LARS1: variants seen among roughly 807,000 people sequenced by gnomAD.
LARS1 encodes the protein leucyl-tRNA synthetase 1.
In LARS1, 100 loss-of-function variants were observed where a neutral mutation model predicts 162.8. The observed-to-expected ratio is 0.61, with a 90% CI of 0.52 to 0.73. The LOEUF (loss-of-function observed/expected upper bound fraction) is 0.73. Ranked by LOEUF, LARS1 falls within the 30% of genes least tolerant of loss-of-function variation. LARS1 has a pLI of 0.00. For missense variants in LARS1, 1,258 were observed against 1,408.9 expected (o/e 0.89, Z 1.71); for synonymous variants, 457 against 462.8 (o/e 0.99, Z 0.16).
intron 8 of LARS1, 88 bp downstream of exon 8, chr5:146,159,319 A>G: frequency 9.7e-7 from 1 of 1,031,524 alleles, no homozygotes; most frequent in Non-Finnish European, 1.5e-6. Context: ...CAGCACTACA[A>G]AGAAGTTATT....
At chr5:146,127,967 T>A (rs1259599568) in intron 27 of LARS1, among the ~76,000 whole-genome samples, 1 of 152,170 alleles carries the variant, frequency 6.6e-6, no homozygotes, top group Non-Finnish European at 1.5e-5. Flanking sequence ...CCGTATTTTG[T>A]CTCTCTTTTT....
intron 5 of LARS1, among the ~76,000 whole-genome samples, chr5:146,166,539 TA>T (rs143833387): frequency 0.061 from 9,314 of 152,002 alleles, 327 homozygotes; most frequent in Non-Finnish European, 0.069. Context: ...CTCCATCTCT[TA>T]AAAAACAAAA....
chr5:146,176,688 G>A (rs1454448157), intron 2 of LARS1, among the ~76,000 whole-genome samples: 1 of 151,972 alleles, frequency 6.6e-6, no homozygotes, highest in East Asian at 1.9e-4. Flanking sequence ...CAATGTTTGG[G>A]GGAGTTATTT....
intron 27 of LARS1, among the ~76,000 whole-genome samples, chr5:146,127,875 G>A (rs979219567): frequency 6.6e-6 from 1 of 152,080 alleles, no homozygotes; most frequent in Non-Finnish European, 1.5e-5. Context: ...GAAAAGTGTT[G>A]AGGCAAAATT....
In LARS1 at chr5:146,168,206, T is replaced by C. The variant is rs73317824; in HGVS notation, c.354A>G (p.Pro118=). ...IELYGCPPDF[P]DEEEEEEETS... ...TTTCTTCCTCTTCCTCTTCTTCATCTGGAAAATCAGGGGGGCAACCATACA... is the reference window on the plus strand; with the variant it reads ...TTTCTTCCTCTTCCTCTTCTTCATCCGGAAAATCAGGGGGGCAACCATACA... Residue 118 remains proline, a synonymous_variant, in exon 5 of 32, where the codon CCA becomes CCG. Coordinates refer to ENST00000394434, the MANE Select transcript of LARS1 (RefSeq NM_020117.11). 5.5e-3 allele frequency: 8,928 copies of C among 1,613,398 alleles called. 412 individuals are homozygous for C. In the African/African-American group the frequency reaches 0.1, roughly 18 times the overall value.
chr5:146,142,706 A>G (rs530119163), intron 20 of LARS1, 166 bp downstream of exon 20: 1 of 568,072 alleles, frequency 1.8e-6, no homozygotes, highest in African/African-American at 1.9e-5. Flanking sequence ...TGGATGTAAG[A>G]GATAGGAGGT....
Position 146,160,394 on chromosome 5 carries a change from G to A in LARS1, c.687C>T (p.Asn229=). Residue 229 remains asparagine, a synonymous_variant, in exon 7 of 32, where the codon AAC becomes AAT. Transcript: ENST00000394434. The part of the protein sequence containing the change: ...RWQFLTLRER[N]KIKFGKRYTI... ...CTTACCGCTTCCCAAATTTAATTTTGTTTCTTTCTCTTAATGTTAAAAATT... is the reference window on the plus strand; with the variant it reads ...CTTACCGCTTCCCAAATTTAATTTTATTTCTTTCTCTTAATGTTAAAAATT... 1 of 1,559,232 alleles carries A rather than the reference G, an allele frequency of 6.4e-7. No individual in the cohort carries two copies. The highest frequency in any genetic ancestry group is 8.7e-7 in the Non-Finnish European group (1 of 1,148,820).
intron 26 of LARS1, 77 bp from the exon 27 acceptor site, chr5:146,128,859 A>C (rs932022865): frequency 7.0e-7 from 1 of 1,420,946 alleles, no homozygotes; most frequent in African/African-American, 1.4e-5. Flanking sequence ...CCCCCAACAT[A>C]CACCACCACG....
At chr5:146,176,400 C>T (rs1387655999) in intron 2 of LARS1, among the ~76,000 whole-genome samples, 2 of 139,042 alleles carry the variant, frequency 1.4e-5, no homozygotes, top group South Asian at 2.3e-4. Flanking sequence ...TGCAGTGAGC[C>T]GAGATGGCGC....
chr5:146,126,157 CAA>C (rs1752031189), intron 28 of LARS1, among the ~76,000 whole-genome samples: 1 of 151,944 alleles, frequency 6.6e-6, no homozygotes. Flanking sequence ...TAATGTAAGC[CAA>C]AAGAGTTTGA....
intron 30 of LARS1, among the ~76,000 whole-genome samples, chr5:146,121,312 A>G (rs1403904839): frequency 6.6e-6 from 1 of 152,122 alleles, no homozygotes; most frequent in Non-Finnish European, 1.5e-5. Flanking sequence ...TCCTCTGCTT[A>G]TCAAGACAAG....
Position 146,160,406 on chromosome 5 carries a change from T to G in LARS1, c.675A>C (p.Leu225Phe). The G allele has an allele frequency of 6.3e-7, 1 of 1,575,442 alleles. No homozygotes were observed. The highest frequency in any genetic ancestry group is 8.6e-7 in the Non-Finnish European group (1 of 1,161,148). ...CAAATTTAATTTTGTTTCTTTCTCT[T>G]AATGTTAAAAATTGCCATCTGACAA... is the stretch of plus-strand genomic sequence containing the variant. ...DSFVRWQFLT[L>F]RERNKIKFGK... Residue 225 changes from leucine (L) to phenylalanine (F), a missense_variant, in exon 7 of 32, where the codon TTA becomes TTC. By Grantham distance (22) the Leu-to-Phe change is conservative. Coordinates refer to ENST00000394434, the MANE Select transcript of LARS1 (RefSeq NM_020117.11).
At chr5:146,146,763 G>C (rs1409061307) in intron 15 of LARS1, among the ~76,000 whole-genome samples, 1 of 151,100 alleles carries the variant, frequency 6.6e-6, no homozygotes, top group Non-Finnish European at 1.5e-5. Context: ...GCCCAGACTG[G>C]AGTGTGGTGG....
At chr5:146,158,150 T>C (rs887776440) in intron 8 of LARS1, among the ~76,000 whole-genome samples, 1 of 152,228 alleles carries the variant, frequency 6.6e-6, no homozygotes, top group African/African-American at 2.4e-5. Flanking sequence ...CCCTTACTAA[T>C]GGTTAGACCC....
At chr5:146,182,325 T>C in intron 1 of LARS1, 163 bp downstream of exon 1, 1 of 811,766 alleles carries the variant, frequency 1.2e-6, no homozygotes, top group Non-Finnish European at 2.1e-6. Flanking sequence ...CAGTTCGTGG[T>C]TCATAAACTA....
chr5:146,130,336 G>GA, intron 24 of LARS1, 178 bp from the exon 25 acceptor site: 1 of 638,002 alleles, frequency 1.6e-6, no homozygotes, highest in Non-Finnish European at 2.6e-6. Context: ...TTTGTCCAAA[G>GA]TATATGGCAG....
Position 146,157,827 on chromosome 5 carries a change from GAA to G in LARS1, c.772-34_772-33del, listed in dbSNP as rs761327554. On this transcript the variant is annotated intron_variant, in intron 8 of 31. Coordinates refer to ENST00000394434, the MANE Select transcript of LARS1 (RefSeq NM_020117.11). ...AAATAAACGATACAAAAATTTGAAG[GAA>G]AAAAAAGACTTGCCTTAAACCTACT... The G allele has an allele frequency of 7.5e-6, 12 of 1,596,208 alleles. No individual in the cohort carries two copies. The East Asian group carries it at 2.7e-4, about 36-fold the overall frequency.
intron 27 of LARS1, among the ~76,000 whole-genome samples, chr5:146,127,103 G>A (rs2126403116): frequency 6.6e-6 from 1 of 152,036 alleles, no homozygotes; most frequent in East Asian, 1.9e-4. Context: ...AATATTAACG[G>A]TCCCCTCAAT....
At chr5:146,116,870 A>G (rs1054131067) in intron 31 of LARS1, among the ~76,000 whole-genome samples, 1 of 152,194 alleles carries the variant, frequency 6.6e-6, no homozygotes, top group Non-Finnish European at 1.5e-5. Flanking sequence ...TTTGCTGTCT[A>G]TTGCAGCAAA....
Sources: gnomAD v4.1 joint callset for allele counts (sites outside exome capture counted in the v4.1 genomes callset) on GRCh38, gnomAD v4.1.1 for gene constraint, MANE v1.5 for transcripts, NCBI Gene and HGNC (gene_info 2026-07-23, HGNC 2026-07-21) for gene names.